The following GNB1L variants were observed in gnomAD, a reference collection of about 807,000 sequenced individuals.
GNB1L encodes guanine nucleotide-binding protein subunit beta-like protein 1.
A neutral mutation model predicts 29.1 loss-of-function variants in GNB1L; 20 were observed. The observed-to-expected ratio is 0.69, with a 90% CI of 0.48 to 1.00. The LOEUF is 1.00. GNB1L is among the 50% of genes least tolerant of loss of function. The pLI is 0.00. For synonymous variants in GNB1L, 193 were observed against 206.5 expected, an observed-to-expected ratio of 0.93 and a Z score of 0.56; for missense variants, 421 against 464.9, an observed-to-expected ratio of 0.91 and a Z score of 0.87.
At chr22:19,797,463 A>G (rs1176927586) in intron 7 of GNB1L, among the ~76,000 whole-genome samples, 1 of 152,220 alleles carries the variant, frequency 6.6e-6, no homozygotes, top group African/African-American at 2.4e-5. Context: ...AACAGATTCA[A>G]GAAGAAAACC....
At chr22:19,805,343 G>A (rs199692999) in intron 6 of GNB1L, among the ~76,000 whole-genome samples, 18 of 152,344 alleles carry the variant, frequency 1.2e-4, no homozygotes, top group East Asian at 5.8e-4. Flanking sequence ...TACCCATCCC[G>A]GTGGGCCTTG....
At chr22:19,847,808 A>C (rs1937999955) in intron 2 of GNB1L, 1 of 835,838 alleles carries the variant, frequency 1.2e-6, no homozygotes, top group Non-Finnish European at 1.4e-6. Context: ...CATAGGCAAA[A>C]AAAAAAAAAA....
chr22:19,842,933 G>A (rs1644888126), intron 2 of GNB1L, among the ~76,000 whole-genome samples: 1 of 152,238 alleles, frequency 6.6e-6, no homozygotes, highest in South Asian at 2.1e-4. Flanking sequence ...CGGGAAACAG[G>A]TCTACCAGCA....
intron 2 of GNB1L, among the ~76,000 whole-genome samples, chr22:19,843,375 G>T (rs1937895045): frequency 6.6e-6 from 1 of 152,272 alleles, no homozygotes; most frequent in Non-Finnish European, 1.5e-5. Context: ...CAAAGATGCA[G>T]ATCCCAGGAA....
rs970591765 is a variant in GNB1L, at chr22:19,848,587, T to C, written c.-21+5856A>G. 3 of 985,326 alleles carry C rather than the reference T, an allele frequency of 3.0e-6. No homozygotes were observed. The African/African-American group carries it at 5.2e-5, about 17-fold the overall frequency. 61.0% of individuals were successfully genotyped at this position (985,326 alleles called of 1,614,324 possible). On this transcript the variant is annotated intron_variant, in intron 2 of 7. Coordinates refer to ENST00000329517, the MANE Select transcript of GNB1L (RefSeq NM_053004.3). ...ACATCACCACTTCAAGGCCCTACCT[T>C]CCTTTCTGGGCAGAGCCCAACCACA...
At chr22:19,811,022 T>G (rs547034350) in intron 5 of GNB1L, among the ~76,000 whole-genome samples, 1 of 152,292 alleles carries the variant, frequency 6.6e-6, no homozygotes, top group South Asian at 2.1e-4. Flanking sequence ...AAGAGCTGAC[T>G]CAAACTCCTG....
chr22:19,814,420 G>A (rs1334207574), intron 4 of GNB1L, among the ~76,000 whole-genome samples: 1 of 152,212 alleles, frequency 6.6e-6, no homozygotes, highest in Admixed American at 6.5e-5. Flanking sequence ...AATTACTGCA[G>A]TGGTTTTAAC....
intron 2 of GNB1L, chr22:19,848,423 T>G (rs927317848): frequency 2.0e-6 from 2 of 985,378 alleles, no homozygotes; most frequent in African/African-American, 3.5e-5. Context: ...GGAAAGCAGC[T>G]TGGTCATCAT....
Position 19,816,571 on chromosome 22 carries a change from T to A in GNB1L, c.254+4027A>T, listed in dbSNP as rs969058709. ...CCACCAGGCCCCTCCGCACACGGGC[T>A]AGGGAACACACACATGCCTCACATG... is the stretch of plus-strand genomic sequence containing the variant. On this transcript the variant is annotated intron_variant, in intron 4 of 7. Transcript: ENST00000329517. The surrounding 1 kb of genome is among the most constrained non-coding windows in gnomAD (Gnocchi z 4.4). Among the ~76,000 whole-genome samples the A allele has an allele frequency of 2.6e-5, 4 of 152,000 alleles. No individual in the cohort carries two copies. Among genetic ancestry groups the A allele is most frequent in the Admixed American group, 2.6e-4 (4 of 15,254 alleles).
Position 19,789,880 on chromosome 22 carries a change from A to T in GNB1L, c.733-920T>A, listed in dbSNP as rs188674611. Reference sequence around the variant, plus strand: ...AGATACGCTCTAATAAAATTATTAGACTTCATAGCTAAAAAACCTTTGGTG... The same window carrying T: ...AGATACGCTCTAATAAAATTATTAGTCTTCATAGCTAAAAAACCTTTGGTG... On this transcript the variant is annotated intron_variant, in intron 7 of 7. Coordinates refer to ENST00000329517, the MANE Select transcript of GNB1L (RefSeq NM_053004.3). Among the ~76,000 whole-genome samples the T allele has an allele frequency of 4.6e-5, 7 of 151,824 alleles. No individual in the cohort carries two copies. The East Asian group carries it at 1.2e-3, about 25-fold the overall frequency.
intron 7 of GNB1L, chr22:19,792,822 A>G: frequency 7.8e-7 from 1 of 1,280,492 alleles, no homozygotes. Flanking sequence ...GTGTCGTAAA[A>G]TGGGGGTCCC....
intron 2 of GNB1L, chr22:19,852,159 G>A (rs866701995): frequency 6.2e-7 from 1 of 1,614,112 alleles, no homozygotes; most frequent in Non-Finnish European, 8.5e-7. Flanking sequence ...GCCACCCCAG[G>A]AGACGCCTTG....
chr22:19,791,831 G>C (rs1052505182), intron 7 of GNB1L, among the ~76,000 whole-genome samples: 14 of 152,192 alleles, frequency 9.2e-5, no homozygotes, highest in Admixed American at 7.9e-4. Context: ...TTCTATCTTA[G>C]AGTATGGCCT....
At chr22:19,790,056 G>A (rs572918817) in intron 7 of GNB1L, among the ~76,000 whole-genome samples, 8 of 152,198 alleles carry the variant, frequency 5.3e-5, no homozygotes, top group South Asian at 2.1e-4. Context: ...CCAAACTGTC[G>A]CTCAATTATA....
At chr22:19,808,768 A>G (rs904467514) in intron 5 of GNB1L, among the ~76,000 whole-genome samples, 4 of 152,234 alleles carry the variant, frequency 2.6e-5, no homozygotes, top group African/African-American at 4.8e-5. Flanking sequence ...GTGAAGAGCT[A>G]GAGGCACCAG....
At chr22:19,817,151 G>A (rs1937532974) in intron 4 of GNB1L, among the ~76,000 whole-genome samples, 2 of 152,214 alleles carry the variant, frequency 1.3e-5, no homozygotes, top group South Asian at 4.1e-4. Context: ...AAGCCTGGCA[G>A]ACTTGAATCA....
intron 4 of GNB1L, among the ~76,000 whole-genome samples, chr22:19,817,834 T>C (rs1359084986): frequency 6.6e-6 from 1 of 152,146 alleles, no homozygotes; most frequent in East Asian, 1.9e-4. Context: ...CGTAATACAA[T>C]GCTCTGAACA....
At chr22:19,791,162 G>C (rs1937249287) in intron 7 of GNB1L, among the ~76,000 whole-genome samples, 2 of 152,244 alleles carry the variant, frequency 1.3e-5, no homozygotes, top group Admixed American at 1.3e-4. Context: ...AAGCCCAGGA[G>C]TTTGAGGCTG....
chr22:19,810,448 A>T (rs1413892670), intron 5 of GNB1L, among the ~76,000 whole-genome samples: 2 of 152,126 alleles, frequency 1.3e-5, no homozygotes, highest in African/African-American at 4.8e-5. Context: ...TGGGCGCTGC[A>T]GGAGGGAGCG....
Sources: allele counts gnomAD v4.1 joint callset (sites outside exome capture counted in the v4.1 genomes callset), GRCh38; gene constraint gnomAD v4.1.1; non-coding constraint Gnocchi (gnomAD v3.1); transcripts MANE v1.5; gene names NCBI Gene and HGNC (gene_info 2026-07-23, HGNC 2026-07-21).